Variants in MYO5A observed in about 807,000 individuals in gnomAD.
MYO5A encodes myosin VA.
MYO5A carries 98 observed loss-of-function variants against 249.7 expected under a neutral mutation model. The observed-to-expected ratio is 0.39, with a 90% CI of 0.33 to 0.46. The LOEUF is 0.46. Among genes scored for constraint, MYO5A ranks in the 20% least tolerant of loss-of-function variants. MYO5A has a pLI of 0.98. For missense variants in MYO5A, 1,696 were observed against 2,308.8 expected, an observed-to-expected ratio of 0.73 and a Z score of 5.44; for synonymous variants, 778 against 810.6, an observed-to-expected ratio of 0.96 and a Z score of 0.68.
intron 1 of MYO5A, among the ~76,000 whole-genome samples, chr15:52,507,795 C>A (rs1330109607): frequency 2.1e-5 from 2 of 97,454 alleles, no homozygotes; most frequent in African/African-American, 9.3e-5. Flanking sequence ...CAGAATGAGA[C>A]CCTGTCCCCA....
At chr15:52,351,591 G>T in intron 27 of MYO5A, 110 bp from the exon 28 acceptor site, 2 of 1,076,192 alleles carry the variant, frequency 1.9e-6, no homozygotes, top group Non-Finnish European at 2.8e-6. Context: ...GTTCATCAGA[G>T]TTACCCTAGT....
intron 6 of MYO5A, among the ~76,000 whole-genome samples, chr15:52,409,045 G>T (rs1375481497): frequency 6.6e-6 from 1 of 152,058 alleles, no homozygotes; most frequent in East Asian, 1.9e-4. Flanking sequence ...ATACAAGTAT[G>T]CCTTTTCTGA....
At chr15:52,345,480 GA>G (rs1210407344) in intron 30 of MYO5A, among the ~76,000 whole-genome samples, 3 of 151,778 alleles carry the variant, frequency 2.0e-5, no homozygotes, top group African/African-American at 7.3e-5. Flanking sequence ...AGCTACTCGA[GA>G]GGCTGAGGCA....
intron 1 of MYO5A, among the ~76,000 whole-genome samples, chr15:52,486,944 C>T (rs2076834092): frequency 6.6e-6 from 1 of 152,146 alleles, no homozygotes; most frequent in South Asian, 2.1e-4. Context: ...GGGATATGGG[C>T]TTTCTTAAGA....
chr15:52,397,178 A>C, intron 10 of MYO5A, 23 bp downstream of exon 10: 1 of 1,612,896 alleles, frequency 6.2e-7, no homozygotes, highest in Non-Finnish European at 8.5e-7. Flanking sequence ...TCTCTGGCAG[A>C]CCAATTAGCC....
At chr15:52,450,356 T>C (rs1057185934) in intron 1 of MYO5A, among the ~76,000 whole-genome samples, 2 of 151,570 alleles carry the variant, frequency 1.3e-5, no homozygotes, top group African/African-American at 4.9e-5. Context: ...TCATTAATAA[T>C]ATTCTTTAAA....
chr15:52,520,237 C>T (rs1005714111), intron 1 of MYO5A, among the ~76,000 whole-genome samples: 7 of 152,156 alleles, frequency 4.6e-5, no homozygotes, highest in African/African-American at 9.7e-5. Context: ...CTTCCAATGG[C>T]GAACAGCTCA....
chr15:52,407,926 A>C (rs2043079196), intron 7 of MYO5A, 133 bp downstream of exon 7: 1 of 675,218 alleles, frequency 1.5e-6, no homozygotes, highest in Admixed American at 2.5e-5. Flanking sequence ...TTTGAAGCCA[A>C]GGGCTGACTT....
intron 1 of MYO5A, among the ~76,000 whole-genome samples, chr15:52,478,433 C>T (rs530440536): frequency 1.6e-3 from 239 of 152,222 alleles, no homozygotes; most frequent in African/African-American, 5.4e-3. Context: ...ACCCACTGTC[C>T]GACAAGCCCC....
chr15:52,395,917 A>G (rs1482809796), intron 11 of MYO5A, among the ~76,000 whole-genome samples: 1 of 152,226 alleles, frequency 6.6e-6, no homozygotes, highest in African/African-American at 2.4e-5. Context: ...GAATATGTAA[A>G]ATTCTGCTTT....
chr15:52,454,144 T>G (rs994449380), intron 1 of MYO5A, among the ~76,000 whole-genome samples: 1 of 152,168 alleles, frequency 6.6e-6, no homozygotes, highest in Non-Finnish European at 1.5e-5. Flanking sequence ...AAGACATACG[T>G]AGACTGAAAG....
In MYO5A at chr15:52,343,215, C is replaced by T; in HGVS notation, c.3960-18G>A. 1.3e-6 allele frequency: 2 copies of T among 1,598,804 alleles called. No individual in the cohort carries two copies. The highest frequency in any genetic ancestry group is 1.7e-6 in the Non-Finnish European group (2 of 1,166,098). On this transcript the variant is annotated intron_variant, in intron 30 of 41. Transcript: ENST00000399233. ...CAGATGATCTTCCATGCAAAAGGAA[C>T]AACAATGCAAAACACAAAAGGATAC...
Position 52,331,863 on chromosome 15 carries a change from A to G in MYO5A, c.4409-1364T>C, listed in dbSNP as rs2038903840. 3.0e-6 allele frequency: 3 copies of G among 985,286 alleles called. No individual in the cohort carries two copies. In the African/African-American group the frequency reaches 5.2e-5, roughly 17 times the overall value. The allele number at this position is 985,286 out of a possible 1,614,324, so 61.0% of individuals were successfully genotyped here. A position where few individuals can be genotyped will look rare whatever the true frequency, so the allele number is the denominator to read the frequency against. On this transcript the variant is annotated intron_variant, in intron 34 of 41. Coordinates refer to ENST00000399233, the MANE Select transcript of MYO5A (RefSeq NM_001382347.1). ...TAAAGAGTGGTCAGATTGTGATTGG[A>G]CAGATCAGGGCTACGGCCATCTCCC...
intron 1 of MYO5A, among the ~76,000 whole-genome samples, chr15:52,518,027 C>T (rs1157737844): frequency 6.6e-6 from 1 of 151,848 alleles, no homozygotes; most frequent in Non-Finnish European, 1.5e-5. Context: ...TTCTAATTTC[C>T]CAATTAATTT....
chr15:52,341,202 T>C (rs2039367669), intron 31 of MYO5A, among the ~76,000 whole-genome samples: 1 of 152,204 alleles, frequency 6.6e-6, no homozygotes, highest in Admixed American at 6.5e-5. Context: ...ACTCCTATTC[T>C]GAAAGACAGA....
Position 52,327,873 on chromosome 15 carries a change from G to C in MYO5A, c.4689C>G (p.Asn1563Lys). 6.2e-7 allele frequency: 1 copy of C among 1,613,810 alleles called. No individual in the cohort carries two copies. ...KVRSLLTSTI[N>K]SIKKVLKKRG... ...TGACCTTCAATACTTTTTTGATGCT[G>C]TTAATTGTTGATGTTAGCAACGACC... Residue 1563 changes from asparagine (N) to lysine (K), a missense_variant, in exon 36 of 42, where the codon AAC (asparagine) becomes AAG (lysine). Asn to Lys is a moderately conservative substitution (Grantham distance 94). This residue lies in a region of MYO5A where 625 missense variants were observed against 908.1 expected (regional missense o/e 0.69). Transcript: ENST00000399233.
chr15:52,525,556 G>A (rs2077715682), intron 1 of MYO5A, among the ~76,000 whole-genome samples: 1 of 152,148 alleles, frequency 6.6e-6, no homozygotes, highest in South Asian at 2.1e-4. Flanking sequence ...CTTAAGATCT[G>A]AATGACATTT....
At chr15:52,346,775 AAT>A (rs1010748751) in intron 29 of MYO5A, among the ~76,000 whole-genome samples, 1 of 132,094 alleles carries the variant, frequency 7.6e-6, no homozygotes, top group African/African-American at 4.2e-5. Flanking sequence ...TGTGAAAAAA[AAT>A]ATATATATAT....
intron 1 of MYO5A, chr15:52,505,838 A>C: frequency 6.3e-7 from 1 of 1,589,104 alleles, no homozygotes; most frequent in South Asian, 1.1e-5. Flanking sequence ...CAGCCCATGG[A>C]TGTGGCTGCT....
Sources: allele counts gnomAD v4.1 joint callset (sites outside exome capture counted in the v4.1 genomes callset), GRCh38; gene constraint gnomAD v4.1.1; regional missense constraint gnomAD v4.1.1; transcripts MANE v1.5; gene names NCBI Gene and HGNC (gene_info 2026-07-23, HGNC 2026-07-21).